TNS3: variants seen among roughly 807,000 people sequenced by gnomAD.
TNS3 encodes tensin-3.
TNS3 carries 45 observed loss-of-function variants against 140.9 expected under a neutral mutation model. That is an observed-to-expected ratio of 0.32 (90% CI 0.25 to 0.41). The LOEUF is 0.41. Ranked by LOEUF, TNS3 falls within the 10% of genes least tolerant of loss-of-function variation. TNS3 has a pLI of 1.00. For synonymous variants in TNS3, 815 were observed against 788.4 expected (o/e 1.03, Z -0.56); for missense variants, 1,716 against 1,906.7 (o/e 0.90, Z 1.86).
chr7:47,313,581 C>A (rs1292856106), intron 20 of TNS3, among the ~76,000 whole-genome samples: 6 of 152,186 alleles, frequency 3.9e-5, no homozygotes, highest in Non-Finnish European at 8.8e-5. Context: ...GCACAGCATG[C>A]AGTACCTGTT....
At chr7:47,450,368 G>A (rs954404234) in intron 4 of TNS3, among the ~76,000 whole-genome samples, 1 of 152,200 alleles carries the variant, frequency 6.6e-6, no homozygotes, top group African/African-American at 2.4e-5. Context: ...TAGCAATGTG[G>A]TTAAGCATCA....
At chr7:47,335,603 G>A (rs779991464) in intron 20 of TNS3, among the ~76,000 whole-genome samples, 11 of 152,214 alleles carry the variant, frequency 7.2e-5, no homozygotes, top group East Asian at 3.9e-4. Flanking sequence ...GGCCTTCTCC[G>A]TCCCCCGACT....
At chr7:47,399,096 A>AC (rs1006022759) in intron 15 of TNS3, among the ~76,000 whole-genome samples, 4 of 151,546 alleles carry the variant, frequency 2.6e-5, no homozygotes, top group Non-Finnish European at 4.4e-5. Context: ...AAAAAAAAAA[A>AC]AAAACTAGAA....
chr7:47,525,807 C>T (rs1181120534), intron 2 of TNS3, among the ~76,000 whole-genome samples: 2 of 152,256 alleles, frequency 1.3e-5, no homozygotes, highest in Non-Finnish European at 2.9e-5. Flanking sequence ...CACCCACACA[C>T]TCAGGCACAT....
At chr7:47,543,556 G>T (rs1799847819) in intron 1 of TNS3, among the ~76,000 whole-genome samples, 1 of 152,248 alleles carries the variant, frequency 6.6e-6, no homozygotes, top group Non-Finnish European at 1.5e-5. Flanking sequence ...TGCCATTTGT[G>T]AAGTGCCTGA....
At chr7:47,315,318 G>A (rs563418042) in intron 20 of TNS3, among the ~76,000 whole-genome samples, 7 of 152,312 alleles carry the variant, frequency 4.6e-5, no homozygotes, top group South Asian at 4.2e-4. Context: ...GGTGCCCTGC[G>A]GGGGTGAGGT....
At chr7:47,479,705 T>G (rs909521019) in intron 4 of TNS3, among the ~76,000 whole-genome samples, 13 of 152,250 alleles carry the variant, frequency 8.5e-5, no homozygotes, top group South Asian at 4.1e-4. Flanking sequence ...ATGCATACTT[T>G]GCTCTTCCAG....
At chr7:47,350,690 T>C (rs925572241) in intron 17 of TNS3, among the ~76,000 whole-genome samples, 5 of 152,096 alleles carry the variant, frequency 3.3e-5, no homozygotes, top group Non-Finnish European at 7.4e-5. Flanking sequence ...AGGGGACGAG[T>C]CCTCAAAGCC....
intron 4 of TNS3, among the ~76,000 whole-genome samples, chr7:47,478,581 A>C (rs1797282984): frequency 6.6e-6 from 1 of 152,196 alleles, no homozygotes; most frequent in Admixed American, 6.5e-5. Flanking sequence ...AATTACATAC[A>C]AGATACATAT....
intron 10 of TNS3, 85 bp from the exon 11 acceptor site, chr7:47,415,291 G>C: frequency 1.1e-6 from 1 of 913,566 alleles, no homozygotes. Flanking sequence ...ACACATCCTG[G>C]CTGAGTCTGG....
intron 4 of TNS3, among the ~76,000 whole-genome samples, chr7:47,458,803 C>T (rs1489566215): frequency 1.3e-5 from 2 of 152,240 alleles, no homozygotes; most frequent in African/African-American, 4.8e-5. Context: ...GAGAGGCTAG[C>T]TCTGAGAACC....
Position 47,276,023 on chromosome 7 carries a change from C to A in TNS3, c.*2053G>T. On this transcript the variant is annotated 3_prime_UTR_variant, in exon 31 of 31. Coordinates refer to ENST00000311160, the MANE Select transcript of TNS3 (RefSeq NM_022748.12). ...TGGGTTAAACATGGGTAGAGACCGT[C>A]TCAGGATGAGGACCTCTTGGGGAAA... 1 of 360,220 alleles carries A rather than the reference C, an allele frequency of 2.8e-6. No individual in the cohort carries two copies. Among genetic ancestry groups the A allele is most frequent in the Non-Finnish European group, 5.5e-6 (1 of 181,254 alleles). The allele number at this position is 360,220 out of a possible 1,614,324, so 22.3% of individuals were successfully genotyped here.
chr7:47,334,100 G>A (rs1033135953), intron 20 of TNS3, among the ~76,000 whole-genome samples: 4 of 152,204 alleles, frequency 2.6e-5, no homozygotes, highest in Admixed American at 6.5e-5. Flanking sequence ...AGTCCGCACA[G>A]CACCAACCAA....
intron 16 of TNS3, among the ~76,000 whole-genome samples, chr7:47,392,687 C>CCAGG (rs1792598380): frequency 6.6e-6 from 1 of 152,246 alleles, no homozygotes; most frequent in South Asian, 2.1e-4. Flanking sequence ...GGGACCTGAG[C>CCAGG]CAGGCACTGC....
chr7:47,513,143 T>G (rs941824426), intron 2 of TNS3, among the ~76,000 whole-genome samples: 1 of 152,202 alleles, frequency 6.6e-6, no homozygotes, highest in Non-Finnish European at 1.5e-5. Flanking sequence ...AAAAAATGAT[T>G]TTTAAATTTA....
intron 16 of TNS3, among the ~76,000 whole-genome samples, chr7:47,381,538 G>A (rs750746742): frequency 2.6e-5 from 4 of 152,158 alleles, no homozygotes; most frequent in Admixed American, 6.5e-5. Context: ...GCAAAAGCCC[G>A]TTCTGATGCC....
At position 47,378,204 on chromosome 7, in the gene TNS3, AG is replaced by A. The variant is rs532380959; in HGVS notation, c.1025-8584del. Reference sequence around the variant, plus strand: ...GCTTTCCCCCTCTCTGGTCAAGTGAAGAATTCCCAGAACTCACAAGTGATTC... The same window carrying A: ...GCTTTCCCCCTCTCTGGTCAAGTGAAAATTCCCAGAACTCACAAGTGATTC... On this transcript the variant is annotated intron_variant, in intron 16 of 30. Coordinates refer to ENST00000311160, the MANE Select transcript of TNS3 (RefSeq NM_022748.12). Among the ~76,000 whole-genome samples, 47 of 152,324 alleles carry A rather than the reference AG, an allele frequency of 3.1e-4. No homozygotes were observed. The East Asian group carries it at 7.7e-3, about 25-fold the overall frequency.
At chr7:47,521,373 C>T (rs1798973342) in intron 2 of TNS3, among the ~76,000 whole-genome samples, 1 of 152,236 alleles carries the variant, frequency 6.6e-6, no homozygotes, top group Admixed American at 6.5e-5. Context: ...GCTGCCGCAC[C>T]TGCTCAGTAA....
chr7:47,388,446 G>T (rs1404530166), intron 16 of TNS3, among the ~76,000 whole-genome samples: 1 of 152,154 alleles, frequency 6.6e-6, no homozygotes, highest in Non-Finnish European at 1.5e-5. Flanking sequence ...GTAGGGCAGG[G>T]GCATGAATCA....
Sources: gnomAD v4.1 joint callset for allele counts (sites outside exome capture counted in the v4.1 genomes callset) on GRCh38, gnomAD v4.1.1 for gene constraint, MANE v1.5 for transcripts, NCBI Gene and HGNC (gene_info 2026-07-23, HGNC 2026-07-21) for gene names.